PLPP4: variants seen among roughly 807,000 people sequenced by gnomAD.
PLPP4 encodes phospholipid phosphatase 4, also known as diacylglycerol pyrophosphate like 2.
A neutral mutation model predicts 32.2 loss-of-function variants in PLPP4; 20 were observed. The ratio of observed to expected loss-of-function variants is 0.62; its 90% CI spans 0.44 to 0.90. The LOEUF is 0.90. PLPP4 is among the 40% of genes least tolerant of loss of function. The pLI, the probability that PLPP4 is intolerant of heterozygous loss-of-function variation, is 0.00. For missense variants in PLPP4, 257 were observed against 353.1 expected, an observed-to-expected ratio of 0.73 and a Z score of 2.18; for synonymous variants, 127 against 133.0, an observed-to-expected ratio of 0.95 and a Z score of 0.31.
chr10:120,510,397 CA>C (rs779891812), intron 2 of PLPP4, among the ~76,000 whole-genome samples: 1 of 152,110 alleles, frequency 6.6e-6, no homozygotes, highest in Admixed American at 6.5e-5. Flanking sequence ...TAAAATTAGC[CA>C]TGGAAACATT....
At chr10:120,525,251 C>T (rs1255878664) in intron 5 of PLPP4, among the ~76,000 whole-genome samples, 1 of 152,150 alleles carries the variant, frequency 6.6e-6, no homozygotes, top group Non-Finnish European at 1.5e-5. Context: ...ATTTACTAAC[C>T]TTGCAGTCGC....
At position 120,590,569 on chromosome 10, in the gene PLPP4, C is replaced by A. The variant is rs1252398359; in HGVS notation, c.*1067C>A. 6.6e-6 allele frequency among the ~76,000 whole-genome samples: 1 copy of A among 152,146 alleles called. No individual in the cohort carries two copies. The highest frequency in any genetic ancestry group is 1.9e-4 in the East Asian group (1 of 5,190). Reference sequence around the variant, plus strand: ...AATGTGCTGTGTCTCTCGCTCAGCTCTTTGCATTGTTGAATACAGCCAGTC... The same window carrying A: ...AATGTGCTGTGTCTCTCGCTCAGCTATTTGCATTGTTGAATACAGCCAGTC... On this transcript the variant is annotated 3_prime_UTR_variant, in exon 7 of 7. Transcript: ENST00000398250.
chr10:120,457,418 G>A lies in PLPP4; in HGVS notation c.56+57G>A. On this transcript the variant is annotated intron_variant, in intron 1 of 6. Coordinates refer to ENST00000398250, the MANE Select transcript of PLPP4 (RefSeq NM_001030059.3). ...CTGACGCGGGGGAACAACCGACCAAGCCTCTCTGTGCCCTAACTTAGTTTG... is the reference window on the plus strand; with the variant it reads ...CTGACGCGGGGGAACAACCGACCAAACCTCTCTGTGCCCTAACTTAGTTTG... 3 of 1,461,248 alleles carry A rather than the reference G, an allele frequency of 2.1e-6. No homozygotes were observed. In the South Asian group the frequency reaches 3.8e-5, roughly 19 times the overall value. The allele number at this position is 1,461,248 out of a possible 1,614,324, so 90.5% of individuals were successfully genotyped here.
chr10:120,534,580 C>A (rs1393669679), intron 5 of PLPP4, among the ~76,000 whole-genome samples: 1 of 152,064 alleles, frequency 6.6e-6, no homozygotes, highest in Non-Finnish European at 1.5e-5. Flanking sequence ...TCCATTACAT[C>A]TACATTGGTA....
chr10:120,585,100 G>A (rs938880802), intron 6 of PLPP4, among the ~76,000 whole-genome samples: 9 of 152,178 alleles, frequency 5.9e-5, no homozygotes, highest in East Asian at 1.9e-4. Context: ...GTTGTGGATC[G>A]TTTTAGATGC....
rs190847731 is a variant in PLPP4, at chr10:120,496,805, G to T, written c.57-7013G>T. On this transcript the variant is annotated intron_variant, in intron 1 of 6. Coordinates refer to ENST00000398250, the MANE Select transcript of PLPP4 (RefSeq NM_001030059.3). Reference sequence around the variant, plus strand: ...TATATAACAAGACACATATCCTGGGGTCTTTAAGTCATGTTGAGCTATGGA... The same window carrying T: ...TATATAACAAGACACATATCCTGGGTTCTTTAAGTCATGTTGAGCTATGGA... 5.9e-3 allele frequency among the ~76,000 whole-genome samples: 900 copies of T among 152,168 alleles called. 8 individuals carry two copies. Among genetic ancestry groups the T allele is most frequent in the Non-Finnish European group, 9.9e-3 (672 of 67,994 alleles).
intron 1 of PLPP4, among the ~76,000 whole-genome samples, chr10:120,481,382 C>G (rs1195581549): frequency 2.6e-5 from 4 of 152,186 alleles, no homozygotes; most frequent in Non-Finnish European, 5.9e-5. Context: ...AGGGATAACT[C>G]AGTTCCTAGA....
chr10:120,474,350 C>G (rs1293297740), intron 1 of PLPP4, among the ~76,000 whole-genome samples: 1 of 152,060 alleles, frequency 6.6e-6, no homozygotes, highest in Non-Finnish European at 1.5e-5. Flanking sequence ...TTCAAATGAC[C>G]TCACTTTGTC....
At chr10:120,565,315 G>GGTGTGTGTGTGT (rs58655566) in intron 5 of PLPP4, among the ~76,000 whole-genome samples, 7 of 142,718 alleles carry the variant, frequency 4.9e-5, no homozygotes, top group South Asian at 2.3e-4. Flanking sequence ...TTGTTTGTGT[G>GGTGTGTGTGTGT]GTGTGTGTGT....
At chr10:120,514,568 A>G (rs1324821831) in intron 3 of PLPP4, among the ~76,000 whole-genome samples, 1 of 152,212 alleles carries the variant, frequency 6.6e-6, no homozygotes, top group African/African-American at 2.4e-5. Flanking sequence ...ATTGATTATA[A>G]CATCATTGTT....
Position 120,591,810 on chromosome 10 carries a change from G to T in PLPP4, c.*2308G>T, listed in dbSNP as rs1273838933. ...AAGTACTCTGCAAAGTAACAACAGA[G>T]TATTACTAATGCTGATAATTACATG... On this transcript the variant is annotated 3_prime_UTR_variant, in exon 7 of 7. Coordinates refer to ENST00000398250, the MANE Select transcript of PLPP4 (RefSeq NM_001030059.3). Among the ~76,000 whole-genome samples the T allele has an allele frequency of 6.6e-6, 1 of 152,146 alleles. No homozygotes were observed. The highest frequency in any genetic ancestry group is 2.4e-5 in the African/African-American group (1 of 41,426).
At chr10:120,534,057 G>A (rs777356677) in intron 5 of PLPP4, among the ~76,000 whole-genome samples, 10 of 152,046 alleles carry the variant, frequency 6.6e-5, no homozygotes, top group Non-Finnish European at 8.8e-5. Context: ...CTTTATTGGT[G>A]TTCTTTGTTT....
intron 2 of PLPP4, among the ~76,000 whole-genome samples, chr10:120,509,068 T>G (rs1439985564): frequency 1.3e-5 from 2 of 152,174 alleles, no homozygotes; most frequent in Non-Finnish European, 2.9e-5. Flanking sequence ...TCTTAGCACC[T>G]TACTTTCTTT....
At chr10:120,482,530 GC>G (rs1175178695) in intron 1 of PLPP4, among the ~76,000 whole-genome samples, 1 of 152,190 alleles carries the variant, frequency 6.6e-6, no homozygotes, top group Non-Finnish European at 1.5e-5. Flanking sequence ...TGACTTGGGT[GC>G]TGTTAAAGGC....
chr10:120,489,421 G>A (rs1316004199), intron 1 of PLPP4, among the ~76,000 whole-genome samples: 1 of 152,290 alleles, frequency 6.6e-6, no homozygotes, highest in East Asian at 1.9e-4. Flanking sequence ...CCTGGTGACC[G>A]TTAAATACCC....
rs1020394942 is a variant in PLPP4 at position 120,589,661 on chromosome 10, T to C, written c.*159T>C. On this transcript the variant is annotated 3_prime_UTR_variant, in exon 7 of 7. Transcript: ENST00000398250. ...TTCACTGATGGTGTTCCTGCTACTT[T>C]AAATGTCTACTTCCAACATCCTTGA... 1.6e-6 allele frequency: 1 copy of C among 611,716 alleles called. No individual in the cohort carries two copies. The highest frequency in any genetic ancestry group is 2.8e-6 in the Non-Finnish European group (1 of 356,284). 37.9% of individuals were successfully genotyped at this position (611,716 alleles called of 1,614,324 possible).
intron 5 of PLPP4, among the ~76,000 whole-genome samples, chr10:120,543,058 G>C (rs1362651424): frequency 6.6e-6 from 1 of 152,182 alleles, no homozygotes; most frequent in Non-Finnish European, 1.5e-5. Context: ...GTGGGTGAGT[G>C]TGGGTGTGGG....
chr10:120,513,505 A>T lies in PLPP4; in HGVS notation c.166-406A>T, dbSNP rs142918350. 3.3e-3 allele frequency among the ~76,000 whole-genome samples: 497 copies of T among 152,186 alleles called. 5 individuals carry two copies. The highest frequency in any genetic ancestry group is 0.011 in the African/African-American group (474 of 41,522). On this transcript the variant is annotated intron_variant, in intron 2 of 6. Coordinates refer to ENST00000398250, the MANE Select transcript of PLPP4 (RefSeq NM_001030059.3). The stretch of plus-strand genomic sequence containing the variant: ...ACACCAAAAGAAAATGAATTGATTG[A>T]CTCTAAGTGAGTCTCAAATGCACTC...
rs139873433 is a variant in PLPP4, at chr10:120,531,967, T to G, written c.445+10872T>G. Among the ~76,000 whole-genome samples, 560 of 152,182 alleles carry G rather than the reference T, an allele frequency of 3.7e-3. 4 individuals carry two copies. Among genetic ancestry groups the G allele is most frequent in the African/African-American group, 0.013 (532 of 41,508 alleles). On this transcript the variant is annotated intron_variant, in intron 5 of 6. Transcript: ENST00000398250. ...GGGATACATGTGCAGAACATGCAGT[T>G]TTGTTACATAGGTATACATGTGCCA...
Sources: allele counts gnomAD v4.1 joint callset (sites outside exome capture counted in the v4.1 genomes callset), GRCh38; gene constraint gnomAD v4.1.1; transcripts MANE v1.5; gene names NCBI Gene and HGNC (gene_info 2026-07-23, HGNC 2026-07-21).